CUBN: variants seen among roughly 807,000 people sequenced by gnomAD.
CUBN encodes cubilin, also known as 460 kDa receptor.
CUBN carries 282 observed loss-of-function variants against 405.3 expected under a neutral mutation model. The ratio of observed to expected loss-of-function variants is 0.70; its 90% CI spans 0.63 to 0.77. CUBN has a LOEUF of 0.77. Among genes scored for constraint, CUBN ranks in the 30% least tolerant of loss-of-function variants. The pLI is 0.00. For missense variants in CUBN, 4,514 were observed against 4,475.2 expected, an observed-to-expected ratio of 1.01 and a Z score of -0.25; for synonymous variants, 1,684 against 1,617.0, an observed-to-expected ratio of 1.04 and a Z score of -0.99.
At position 17,110,921 on chromosome 10, in the gene CUBN, G is replaced by A; in HGVS notation, c.1013C>T (p.Pro338Leu). The change falls in exon 9 of 67, where the codon CCA (proline) becomes CTA (leucine). Residue 338 changes from proline to leucine, a missense_variant and splice_region_variant. Coordinates refer to ENST00000377833, the MANE Select transcript of CUBN (RefSeq NM_001081.4). ...PGSSHCQACPPGYQGDGRVCT... is the reference protein window; with the variant it reads ...PGSSHCQACPLGYQGDGRVCT... ...TTGACATTGAACCGAGGCAGCACCT[G>A]GTGGACAGGCCTGGCAGTGGGAAGA... 2 of 1,614,198 alleles carry A rather than the reference G, an allele frequency of 1.2e-6. No homozygotes were observed. Among genetic ancestry groups the A allele is most frequent in the Non-Finnish European group, 8.5e-7 (1 of 1,180,034 alleles).
intron 27 of CUBN, among the ~76,000 whole-genome samples, chr10:17,036,192 C>T (rs897442832): frequency 1.3e-5 from 2 of 152,092 alleles, no homozygotes; most frequent in Non-Finnish European, 2.9e-5. Context: ...CGAGCTCAAA[C>T]ACATGAGCTC....
At chr10:16,968,672 A>G (rs1333130397) in intron 31 of CUBN, among the ~76,000 whole-genome samples, 3 of 152,246 alleles carry the variant, frequency 2.0e-5, no homozygotes, top group East Asian at 3.8e-4. Context: ...TAGGAGATCA[A>G]TAAGAGCTTG....
intron 56 of CUBN, among the ~76,000 whole-genome samples, chr10:16,879,473 C>G (rs1840607494): frequency 6.6e-6 from 1 of 152,222 alleles, no homozygotes; most frequent in Admixed American, 6.5e-5. Context: ...ATGACCCAAA[C>G]TACATTATTT....
At position 17,046,104 on chromosome 10, in the gene CUBN, T is replaced by C. The variant is rs1214470215; in HGVS notation, c.3330-10A>G. ...TTCATAGCCTCCATCTCTGGCAGAATACAGAAATTAAAATTTATTGGGTTA... is the reference window on the plus strand; with the variant it reads ...TTCATAGCCTCCATCTCTGGCAGAACACAGAAATTAAAATTTATTGGGTTA... On this transcript the variant is annotated splice_polypyrimidine_tract_variant and intron_variant, in intron 23 of 66. Coordinates refer to ENST00000377833, the MANE Select transcript of CUBN (RefSeq NM_001081.4). The C allele has an allele frequency of 4.3e-6, 7 of 1,611,856 alleles. No individual in the cohort carries two copies. The highest frequency in any genetic ancestry group is 4.0e-5 in the African/African-American group (3 of 74,876).
At chr10:16,834,873 G>C in intron 64 of CUBN, 141 bp downstream of exon 64, 1 of 963,680 alleles carries the variant, frequency 1.0e-6, no homozygotes, top group Non-Finnish European at 1.6e-6. Flanking sequence ...TAGATGTTTA[G>C]GGAATGAAAG....
chr10:17,107,903 A>AT (rs937831624), intron 10 of CUBN, among the ~76,000 whole-genome samples: 5 of 152,122 alleles, frequency 3.3e-5, no homozygotes, highest in South Asian at 2.1e-4. Context: ...CTAGAAATGC[A>AT]TTTTTTTATA....
chr10:17,108,717 A>T (rs779345329), intron 10 of CUBN, among the ~76,000 whole-genome samples: 27 of 152,168 alleles, frequency 1.8e-4, no homozygotes, highest in Non-Finnish European at 3.1e-4. Flanking sequence ...GAGAAATAGT[A>T]AGAGAAAAGA....
At chr10:17,081,052 T>TA (rs5783532) in intron 17 of CUBN, among the ~76,000 whole-genome samples, 49,147 of 151,320 alleles carry the variant, frequency 0.32, 9,524 homozygotes, top group East Asian at 0.56. Context: ...TTCCTTGTGT[T>TA]AAAAAAAAAG....
chr10:16,988,961 C>G (rs368117303), intron 29 of CUBN, among the ~76,000 whole-genome samples: 2 of 152,196 alleles, frequency 1.3e-5, no homozygotes, highest in Admixed American at 6.5e-5. Flanking sequence ...AAAAATTCCT[C>G]TGTACAGTGC....
At position 16,901,936 on chromosome 10, in the gene CUBN, CCATATATAGTATATATATATAT is replaced by C. The variant is rs1413272342; in HGVS notation, c.8063-499_8063-478del. ...ATATATATACACACACACACACACACCATATATAGTATATATATATATACACCATATATAGTGTGTATATATA... is the reference window on the plus strand; with the variant it reads ...ATATATATACACACACACACACACACACACCATATATAGTGTGTATATATA... On this transcript the variant is annotated intron_variant, in intron 51 of 66. Coordinates refer to ENST00000377833, the MANE Select transcript of CUBN (RefSeq NM_001081.4). Among the ~76,000 whole-genome samples the C allele has an allele frequency of 1.3e-3, 154 of 122,326 alleles. 1 individual carries two copies. Among genetic ancestry groups the C allele is most frequent in the Admixed American group, 2.0e-3 (24 of 12,002 alleles). 80.3% of individuals were successfully genotyped at this position (122,326 alleles called of 152,430 possible).
In CUBN at chr10:17,041,069, C is replaced by G. The variant is rs1835006395; in HGVS notation, c.3981G>C (p.Leu1327Phe). Residue 1327 changes from leucine to phenylalanine, a missense_variant, in exon 27 of 67, where the codon TTG (leucine) becomes TTC (phenylalanine). Leu to Phe is a conservative substitution (Grantham distance 22). Around this residue, in one of 5 missense-constraint regions of CUBN, gnomAD observed 242 missense variants for 309.0 expected, o/e 0.78. Transcript: ENST00000377833. ...CTGTGGAGCAGTTTATGTGATGTTC[C>G]AAGTCAAATGCTAAAAATGTGTAGT... ...TVNYTFLAFDLEHHINCSTDY... is the reference protein window; with the variant it reads ...TVNYTFLAFDFEHHINCSTDY... 2 of 1,613,710 alleles carry G rather than the reference C, an allele frequency of 1.2e-6. No individual in the cohort carries two copies. Among genetic ancestry groups the G allele is most frequent in the Non-Finnish European group, 1.7e-6 (2 of 1,179,758 alleles).
chr10:16,946,873 A>G (rs1375206373), intron 36 of CUBN, among the ~76,000 whole-genome samples: 1 of 152,162 alleles, frequency 6.6e-6, no homozygotes, highest in Non-Finnish European at 1.5e-5. Context: ...AGAATGCTTA[A>G]TTGAGATGGG....
In CUBN at chr10:16,824,145, T is replaced by G. The variant is rs1414940781; in HGVS notation, c.*830A>C. On this transcript the variant is annotated 3_prime_UTR_variant, in exon 67 of 67. Coordinates refer to ENST00000377833, the MANE Select transcript of CUBN (RefSeq NM_001081.4). ...GGGTTTCACTGCAGCCTTAACCTAC[T>G]GGGCTCAAGTGATCCTCCTGCTTCA... The G allele has an allele frequency of 6.6e-6, 1 of 152,124 alleles. No individual in the cohort carries two copies. The highest frequency in any genetic ancestry group is 1.5e-5 in the Non-Finnish European group (1 of 68,036). The allele number at this position is 152,124 out of a possible 1,614,324, so 9.4% of individuals were successfully genotyped here.
intron 2 of CUBN, 107 bp from the exon 3 acceptor site, chr10:17,128,031 A>G: frequency 1.3e-6 from 1 of 751,672 alleles, no homozygotes; most frequent in Non-Finnish European, 2.2e-6. Context: ...TTTAAGCACT[A>G]AGATCTTGCC....
At chr10:16,848,212 C>G (rs776753717) in intron 60 of CUBN, among the ~76,000 whole-genome samples, 3 of 152,320 alleles carry the variant, frequency 2.0e-5, no homozygotes, top group African/African-American at 4.8e-5. Flanking sequence ...TATCAAATCA[C>G]ACTCCATAAA....
chr10:17,024,561 A>C (rs1834601932), intron 27 of CUBN, among the ~76,000 whole-genome samples: 2 of 152,094 alleles, frequency 1.3e-5, no homozygotes, highest in Non-Finnish European at 2.9e-5. Context: ...GCTGGAGTGC[A>C]GTGGTGCAAT....
intron 8 of CUBN, among the ~76,000 whole-genome samples, chr10:17,113,456 C>T (rs369728533): frequency 2.0e-5 from 3 of 152,074 alleles, no homozygotes; most frequent in South Asian, 4.2e-4. Flanking sequence ...TATATGATGA[C>T]TATCTCATAA....
intron 31 of CUBN, among the ~76,000 whole-genome samples, chr10:16,976,949 G>C (rs1833116958): frequency 6.6e-6 from 1 of 152,140 alleles, no homozygotes; most frequent in African/African-American, 2.4e-5. Flanking sequence ...TCTATAGTAT[G>C]CAGTTCCTTG....
At chr10:17,046,593 T>C (rs1352526144) in intron 23 of CUBN, among the ~76,000 whole-genome samples, 3 of 152,264 alleles carry the variant, frequency 2.0e-5, no homozygotes, top group Admixed American at 6.5e-5. Flanking sequence ...TAGTTTATAA[T>C]CTGTAGCTTT....
Sources: gnomAD v4.1 joint callset for allele counts (sites outside exome capture counted in the v4.1 genomes callset) on GRCh38, gnomAD v4.1.1 for gene constraint, gnomAD v4.1.1 regional missense constraint, MANE v1.5 for transcripts, NCBI Gene and HGNC (gene_info 2026-07-23, HGNC 2026-07-21) for gene names.